The following GLIS3 variants were observed in gnomAD, a reference collection of about 807,000 sequenced individuals.
The protein encoded by GLIS3 is zinc finger protein GLIS3.
GLIS3 carries 53 observed loss-of-function variants against 78.6 expected under a neutral mutation model. The ratio of observed to expected loss-of-function variants is 0.67; its 90% CI spans 0.54 to 0.85. The LOEUF (loss-of-function observed/expected upper bound fraction) is 0.85. Ranked by LOEUF, GLIS3 falls within the 40% of genes least tolerant of loss-of-function variation. The probability of loss-of-function intolerance (pLI) is 0.00; values close to 1 mark genes in which losing one functional copy is unlikely to be tolerated. For synonymous variants in GLIS3, 684 were observed against 509.9 expected, an observed-to-expected ratio of 1.34 and a Z score of -4.60; for missense variants, 1,703 against 1,231.1, an observed-to-expected ratio of 1.38 and a Z score of -5.74.
chr9:4,209,726 T>G (rs1285759339), intron 2 of GLIS3, among the ~76,000 whole-genome samples: 1 of 152,202 alleles, frequency 6.6e-6, no homozygotes, highest in African/African-American at 2.4e-5. Flanking sequence ...CTGAGCTAGC[T>G]AATTCTTTGT....
rs188374597 is a variant in GLIS3, at chr9:4,221,552, C to G, written c.388+64486G>C. Among the ~76,000 whole-genome samples, 9 of 152,122 alleles carry G rather than the reference C, an allele frequency of 5.9e-5. No homozygotes were observed. In the East Asian group the frequency reaches 9.7e-4, roughly 16 times the overall value. On this transcript the variant is annotated intron_variant, in intron 2 of 10. Coordinates refer to ENST00000381971, the MANE Select transcript of GLIS3 (RefSeq NM_001042413.2). ...TGAAGCAAGAGGCTTCGAAATTTCTCTAGATTTAATTCAGATACCTGACTT... is the reference window on the plus strand; with the variant it reads ...TGAAGCAAGAGGCTTCGAAATTTCTGTAGATTTAATTCAGATACCTGACTT...
chr9:4,171,832 A>G (rs1294186567), intron 2 of GLIS3, among the ~76,000 whole-genome samples: 6 of 152,198 alleles, frequency 3.9e-5, no homozygotes, highest in Non-Finnish European at 7.4e-5. Flanking sequence ...CAAACGTCAA[A>G]TTGGCTGATG....
chr9:3,851,673 G>C (rs1355716789), intron 9 of GLIS3, among the ~76,000 whole-genome samples: 1 of 138,576 alleles, frequency 7.2e-6, no homozygotes, highest in Admixed American at 7.7e-5. Context: ...AACAAAACTT[G>C]ATGGATCTCA....
At chr9:4,182,524 G>A (rs1037872389) in intron 2 of GLIS3, among the ~76,000 whole-genome samples, 2 of 152,192 alleles carry the variant, frequency 1.3e-5, no homozygotes, top group African/African-American at 4.8e-5. Context: ...TTGAAAAATG[G>A]ATTAAAAACT....
intron 7 of GLIS3, among the ~76,000 whole-genome samples, chr9:3,883,951 CTCTT>C (rs1206795292): frequency 2.0e-5 from 3 of 152,230 alleles, no homozygotes; most frequent in African/African-American, 4.8e-5. Flanking sequence ...CATGGGCTTT[CTCTT>C]TCTTAGTGGC....
Position 4,139,155 on chromosome 9 carries a change from T to G in GLIS3, c.389-13214A>C, listed in dbSNP as rs187600312. Among the ~76,000 whole-genome samples, 7 of 152,272 alleles carry G rather than the reference T, an allele frequency of 4.6e-5. No individual in the cohort carries two copies. The South Asian group carries it at 6.2e-4, about 14-fold the overall frequency. Reference sequence around the variant, plus strand: ...TTAAGGAATACTAGATTCAGAACCTTTCTTCCATAAATCAAGGTTGTATAT... The same window carrying G: ...TTAAGGAATACTAGATTCAGAACCTGTCTTCCATAAATCAAGGTTGTATAT... On this transcript the variant is annotated intron_variant, in intron 2 of 10. Transcript: ENST00000381971.
In GLIS3 at chr9:4,344,363, T is replaced by C. The variant is rs1817874353; in HGVS notation, n.264+2718A>G. 2.0e-5 allele frequency among the ~76,000 whole-genome samples: 3 copies of C among 152,362 alleles called. No individual in the cohort carries two copies. In the South Asian group the frequency reaches 6.2e-4, roughly 32 times the overall value. Reference sequence around the variant, plus strand: ...TCCTATTTCACCTGCATTTGGCATTTGGCAATTCATCAGCAGCATTTGGCA... The same window carrying C: ...TCCTATTTCACCTGCATTTGGCATTCGGCAATTCATCAGCAGCATTTGGCA... On this transcript the variant is annotated intron_variant and non_coding_transcript_variant, in intron 2 of 4. Transcript: ENST00000471664.
intron 4 of GLIS3, among the ~76,000 whole-genome samples, chr9:3,971,007 G>T (rs1234168915): frequency 2.0e-5 from 3 of 151,772 alleles, no homozygotes; most frequent in African/African-American, 7.3e-5. Flanking sequence ...GGGACGGAGA[G>T]AAGGAAGGAA....
chr9:4,238,384 T>A (rs139760719), intron 2 of GLIS3, among the ~76,000 whole-genome samples: 1 of 152,180 alleles, frequency 6.6e-6, no homozygotes, highest in African/African-American at 2.4e-5. Context: ...CCATTCTATT[T>A]GAGAATGAGA....
At chr9:4,327,335 GTAGGGGAA>G (rs1817616260) in intron 2 of GLIS3, among the ~76,000 whole-genome samples, 2 of 152,186 alleles carry the variant, frequency 1.3e-5, no homozygotes, top group South Asian at 4.1e-4. Flanking sequence ...AGTCATTAGA[GTAGGGGAA>G]GAGGGAGGAG....
At chr9:3,881,456 G>A (rs1013057671) in intron 7 of GLIS3, among the ~76,000 whole-genome samples, 1 of 152,164 alleles carries the variant, frequency 6.6e-6, no homozygotes, top group Non-Finnish European at 1.5e-5. Flanking sequence ...GAAACTTGGT[G>A]TGCACACTCT....
chr9:3,839,824 G>C (rs942850528), intron 9 of GLIS3, among the ~76,000 whole-genome samples: 3 of 152,148 alleles, frequency 2.0e-5, no homozygotes, highest in African/African-American at 7.2e-5. Flanking sequence ...GGAAAGTGCA[G>C]ATATTCTCAT....
At chr9:4,093,188 G>A (rs1462325693) in intron 4 of GLIS3, among the ~76,000 whole-genome samples, 2 of 152,036 alleles carry the variant, frequency 1.3e-5, no homozygotes, top group African/African-American at 4.8e-5. Context: ...CCTGTAAGTG[G>A]CAGAGTCATG....
At chr9:4,199,275 G>C (rs933254888) in intron 2 of GLIS3, among the ~76,000 whole-genome samples, 1 of 151,962 alleles carries the variant, frequency 6.6e-6, no homozygotes, top group African/African-American at 2.4e-5. Context: ...TGGCAAGTTG[G>C]ATGAAAAACG....
chr9:4,160,624 A>C (rs2131080772), intron 2 of GLIS3, among the ~76,000 whole-genome samples: 1 of 152,344 alleles, frequency 6.6e-6, no homozygotes, highest in South Asian at 2.1e-4. Context: ...GTTTTGTCTT[A>C]TCATGTGATT....
intron 4 of GLIS3, among the ~76,000 whole-genome samples, chr9:4,059,433 T>C (rs942913989): frequency 6.6e-6 from 1 of 152,226 alleles, no homozygotes; most frequent in Non-Finnish European, 1.5e-5. Flanking sequence ...CATGATGGGA[T>C]TTCTCTCAGC....
At chr9:4,109,702 A>G (rs1021115569) in intron 4 of GLIS3, among the ~76,000 whole-genome samples, 5 of 152,194 alleles carry the variant, frequency 3.3e-5, no homozygotes, top group Non-Finnish European at 7.3e-5. Flanking sequence ...ATTCCTAAAC[A>G]TGATCCCTAT....
chr9:4,111,570 G>A (rs1187371965), intron 4 of GLIS3, among the ~76,000 whole-genome samples: 1 of 152,194 alleles, frequency 6.6e-6, no homozygotes, highest in Non-Finnish European at 1.5e-5. Context: ...CTTATAGACT[G>A]TGGTCAATGC....
At chr9:4,186,670 G>C (rs1391529811) in intron 2 of GLIS3, among the ~76,000 whole-genome samples, 1 of 151,378 alleles carries the variant, frequency 6.6e-6, no homozygotes, top group South Asian at 2.1e-4. Context: ...GTTGTTTCCT[G>C]ACTTTTTAAT....
Sources: gnomAD v4.1 joint callset for allele counts (sites outside exome capture counted in the v4.1 genomes callset) on GRCh38, gnomAD v4.1.1 for gene constraint, MANE v1.5 for transcripts, NCBI Gene and HGNC (gene_info 2026-07-23, HGNC 2026-07-21) for gene names.